Variants in AFAP1 observed in about 807,000 individuals in gnomAD.
AFAP1 encodes actin filament-associated protein 1.
In AFAP1, 75 loss-of-function variants were observed where a neutral mutation model predicts 93.9. The ratio of observed to expected loss-of-function variants is 0.80; its 90% CI spans 0.66 to 0.97. The LOEUF is 0.97. Among genes scored for constraint, AFAP1 ranks in the 50% least tolerant of loss-of-function variants. The pLI is 0.00. For synonymous variants in AFAP1, 517 were observed against 430.7 expected, an observed-to-expected ratio of 1.20 and a Z score of -2.48; for missense variants, 1,201 against 1,050.8, an observed-to-expected ratio of 1.14 and a Z score of -1.98.
At chr4:7,800,299 G>C (rs1446928901) in intron 10 of AFAP1, 143 bp downstream of exon 10, 7 of 815,748 alleles carry the variant, frequency 8.6e-6, no homozygotes, top group Non-Finnish European at 1.2e-5. Context: ...GGACTGGGCA[G>C]TGAGAGAAAA....
intron 6 of AFAP1, among the ~76,000 whole-genome samples, chr4:7,825,157 TC>T (rs761713369): frequency 7.9e-5 from 12 of 152,240 alleles, no homozygotes; most frequent in Non-Finnish European, 1.6e-4. Flanking sequence ...CTTTGAAAAT[TC>T]TGATGATTAT....
chr4:7,768,953 G>C lies in AFAP1; in HGVS notation c.2309C>G (p.Thr770Ser), dbSNP rs1560144384. 1 of 1,613,888 alleles carries C rather than the reference G, an allele frequency of 6.2e-7. No homozygotes were observed. The highest frequency in any genetic ancestry group is 8.5e-7 in the Non-Finnish European group (1 of 1,179,858). ...CGGCACGGGGCCCTCGGTGTCACTG[G>C]TGTCACAGCTGGAGATGGGCGAGTT... ...LENSPISSCD[T>S]SDTEGPVPVN... Residue 770 changes from threonine to serine, a missense_variant, in exon 17 of 18, where the codon ACC (threonine) becomes AGC (serine). Coordinates refer to ENST00000420658, the MANE Select transcript of AFAP1 (RefSeq NM_001134647.2).
chr4:7,793,523 A>G (rs969338889), intron 11 of AFAP1, among the ~76,000 whole-genome samples, 158 bp downstream of exon 11: 4 of 152,260 alleles, frequency 2.6e-5, no homozygotes, highest in African/African-American at 9.6e-5. Flanking sequence ...TGACACGACA[A>G]AAACATTTCT....
chr4:7,929,342 C>T (rs567149756), intron 1 of AFAP1, among the ~76,000 whole-genome samples: 1 of 152,192 alleles, frequency 6.6e-6, no homozygotes, highest in Non-Finnish European at 1.5e-5. Context: ...AAACTACACA[C>T]AGAATTTGCA....
intron 10 of AFAP1, among the ~76,000 whole-genome samples, chr4:7,798,304 C>CTATTGGCTGGCTCACAGCATTGCAATT (rs1718665141): frequency 1.3e-5 from 1 of 79,736 alleles, no homozygotes; most frequent in Non-Finnish European, 2.5e-5. Flanking sequence ...GCATTGCAAC[C>CTATTGGCTGGCTCACAGCATTGCAATT]CTATTGGCTG....
chr4:7,871,146 C>T (rs1000635171), intron 2 of AFAP1, among the ~76,000 whole-genome samples: 5 of 152,092 alleles, frequency 3.3e-5, no homozygotes, highest in Non-Finnish European at 7.4e-5. Context: ...AGCAGGCTTT[C>T]TTATTGCCTG....
At chr4:7,931,277 T>C (rs1176597147) in intron 1 of AFAP1, among the ~76,000 whole-genome samples, 2 of 152,252 alleles carry the variant, frequency 1.3e-5, no homozygotes, top group South Asian at 4.1e-4. Context: ...TAAGCCTTGT[T>C]AATTTCTGAC....
At chr4:7,845,257 T>C (rs961070707) in intron 4 of AFAP1, among the ~76,000 whole-genome samples, 3 of 151,790 alleles carry the variant, frequency 2.0e-5, no homozygotes, top group African/African-American at 7.3e-5. Flanking sequence ...ACCCTATCTC[T>C]ATAAAAAGTA....
At chr4:7,814,709 A>G (rs1473260275) in intron 8 of AFAP1, among the ~76,000 whole-genome samples, 2 of 152,220 alleles carry the variant, frequency 1.3e-5, no homozygotes, top group Non-Finnish European at 2.9e-5. Flanking sequence ...ACATTCTGGT[A>G]AAGGATAAGA....
At chr4:7,826,522 T>C (rs11731942) in intron 6 of AFAP1, among the ~76,000 whole-genome samples, 30,590 of 152,112 alleles carry the variant, frequency 0.2, 4,015 homozygotes, top group Non-Finnish European at 0.3. Flanking sequence ...ACTTAGCAAG[T>C]GAAAAAGCTG....
At chr4:7,802,817 T>C (rs575900485) in intron 9 of AFAP1, among the ~76,000 whole-genome samples, 34 of 152,018 alleles carry the variant, frequency 2.2e-4, no homozygotes, top group South Asian at 8.3e-4. Flanking sequence ...ACCTGGCTAA[T>C]TTTTTGTATT....
At chr4:7,838,253 A>G (rs183036536) in intron 6 of AFAP1, among the ~76,000 whole-genome samples, 1 of 152,190 alleles carries the variant, frequency 6.6e-6, no homozygotes, top group Non-Finnish European at 1.5e-5. Flanking sequence ...ATGCAGACAC[A>G]ATAAAGTGAC....
chr4:7,785,220 C>T (rs964902367), intron 12 of AFAP1, among the ~76,000 whole-genome samples: 1 of 152,184 alleles, frequency 6.6e-6, no homozygotes, highest in Admixed American at 6.5e-5. Flanking sequence ...CACCGTAGAA[C>T]CAGCACTTGA....
intron 17 of AFAP1, among the ~76,000 whole-genome samples, chr4:7,767,008 G>A (rs892477293): frequency 6.6e-6 from 1 of 152,152 alleles, no homozygotes; most frequent in Non-Finnish European, 1.5e-5. Context: ...GGAGGCAGAT[G>A]AGACCAAGTT....
intron 3 of AFAP1, among the ~76,000 whole-genome samples, chr4:7,859,196 A>G (rs1715400309): frequency 6.6e-6 from 1 of 152,222 alleles, no homozygotes; most frequent in African/African-American, 2.4e-5. Context: ...GGAGGCAGGC[A>G]GATCACAAGG....
At chr4:7,845,023 T>G (rs1362551202) in intron 4 of AFAP1, among the ~76,000 whole-genome samples, 1 of 152,258 alleles carries the variant, frequency 6.6e-6, no homozygotes, top group African/African-American at 2.4e-5. Flanking sequence ...GAGTTTAAGT[T>G]GTACTCAGTA....
At chr4:7,897,838 C>T (rs1718879438) in intron 1 of AFAP1, among the ~76,000 whole-genome samples, 1 of 152,112 alleles carries the variant, frequency 6.6e-6, no homozygotes, top group East Asian at 1.9e-4. Context: ...ACCCAGGCAA[C>T]ACTTCGTGGC....
At chr4:7,869,167 A>G (rs1173307581) in intron 2 of AFAP1, among the ~76,000 whole-genome samples, 1 of 151,284 alleles carries the variant, frequency 6.6e-6, no homozygotes, top group Admixed American at 6.6e-5. Flanking sequence ...GAAAGGGAAA[A>G]GAAAAGAAAA....
intron 17 of AFAP1, among the ~76,000 whole-genome samples, chr4:7,764,542 A>G (rs1488434780): frequency 1.3e-5 from 2 of 152,232 alleles, no homozygotes; most frequent in Non-Finnish European, 2.9e-5. Flanking sequence ...AAAATGCTTA[A>G]AATGGTCAAT....
Sources: gnomAD v4.1 joint callset for allele counts (sites outside exome capture counted in the v4.1 genomes callset) on GRCh38, gnomAD v4.1.1 for gene constraint, MANE v1.5 for transcripts, NCBI Gene and HGNC (gene_info 2026-07-23, HGNC 2026-07-21) for gene names.